Variants in ASB5 observed in about 807,000 individuals in gnomAD.
ASB5 encodes ankyrin repeat and SOCS box containing 5.
In ASB5, 45 loss-of-function variants were observed where a neutral mutation model predicts 42.1. The observed-to-expected ratio is 1.07, with a 90% CI of 0.84 to 1.37. The LOEUF (loss-of-function observed/expected upper bound fraction) is 1.37. Ranked by LOEUF, ASB5 falls within the 40% of genes most tolerant of loss-of-function variation. The pLI is 0.00. For synonymous variants in ASB5, 147 were observed against 150.6 expected, an observed-to-expected ratio of 0.98 and a Z score of 0.18; for missense variants, 402 against 399.8, an observed-to-expected ratio of 1.01 and a Z score of -0.05.
chr4:176,233,567 G>A (rs145591255), intron 1 of ASB5, among the ~76,000 whole-genome samples: 42 of 152,216 alleles, frequency 2.8e-4, no homozygotes, highest in East Asian at 7.7e-4. Context: ...AAATTTAACC[G>A]CAATAATTGT....
At chr4:176,244,113 T>C (rs1265550832) in intron 1 of ASB5, among the ~76,000 whole-genome samples, 1 of 152,184 alleles carries the variant, frequency 6.6e-6, no homozygotes, top group African/African-American at 2.4e-5. Context: ...TTTGCTCACT[T>C]TCTTTTGTTC....
chr4:176,255,486 T>C (rs1754137208), intron 1 of ASB5, among the ~76,000 whole-genome samples: 1 of 152,206 alleles, frequency 6.6e-6, no homozygotes, highest in Non-Finnish European at 1.5e-5. Flanking sequence ...GTGGATTGGA[T>C]AAAGAGTATA....
chr4:176,255,190 C>G (rs987700349), intron 1 of ASB5, among the ~76,000 whole-genome samples: 3 of 152,118 alleles, frequency 2.0e-5, no homozygotes, highest in African/African-American at 7.2e-5. Context: ...TTGGTCAGAA[C>G]AGTTGTTATT....
rs369025313 is a variant in ASB5 at position 176,215,698 on chromosome 4, G to A, written c.892C>T (p.Arg298Ter). The A allele has an allele frequency of 2.7e-5, 44 of 1,612,514 alleles. No individual in the cohort carries two copies. The highest frequency in any genetic ancestry group is 3.5e-5 in the Non-Finnish European group (41 of 1,179,094). Residue 298 changes from arginine to a stop codon, truncating the protein, a stop_gained, in exon 7 of 7, where the codon CGA (arginine) becomes TGA (stop). Coordinates refer to ENST00000296525, the MANE Select transcript of ASB5 (RefSeq NM_080874.4). LOFTEE classifies it high-confidence loss of function. ...ATPSSLYQLC[R>*]LCIRSYIGKP... ...CCTATGTAGCTTCGGATACAGAGTC[G>A]GCAAAGTTGGTAAAGAGAGCTTGGG... is the stretch of plus-strand genomic sequence containing the variant.
intron 1 of ASB5, among the ~76,000 whole-genome samples, chr4:176,236,182 T>C (rs1753680802): frequency 6.6e-6 from 1 of 152,194 alleles, no homozygotes; most frequent in Non-Finnish European, 1.5e-5. Flanking sequence ...TTTTTTTTAA[T>C]TTTTGCCATT....
intron 1 of ASB5, among the ~76,000 whole-genome samples, chr4:176,239,934 C>T (rs1034574114): frequency 6.6e-6 from 1 of 152,142 alleles, no homozygotes; most frequent in Non-Finnish European, 1.5e-5. Flanking sequence ...GGTTAATTCA[C>T]TAGAAAATAA....
At chr4:176,266,447 C>A (rs1754357229) in intron 1 of ASB5, among the ~76,000 whole-genome samples, 1 of 151,876 alleles carries the variant, frequency 6.6e-6, no homozygotes, top group Non-Finnish European at 1.5e-5. Flanking sequence ...TAATTAGTGA[C>A]TTATAAAGAC....
Position 176,235,851 on chromosome 4 carries a change from C to A in ASB5, c.197-10510G>T, listed in dbSNP as rs75020669. Among the ~76,000 whole-genome samples, 12 of 138,158 alleles carry A rather than the reference C, an allele frequency of 8.7e-5. No homozygotes were observed. In the East Asian group the frequency reaches 2.6e-3, roughly 30 times the overall value. The allele number at this position is 138,158 out of a possible 152,430, so 90.6% of individuals were successfully genotyped here. A position where few individuals can be genotyped will look rare whatever the true frequency, so the allele number is the denominator to read the frequency against. On this transcript the variant is annotated intron_variant, in intron 1 of 6. Transcript: ENST00000296525. The stretch of plus-strand genomic sequence containing the variant: ...GCATTTTTTTTATTATATATTTTTT[C>A]TTCTCCTTTTTTTCAGAGACAGAAT...
upstream of ASB5, among the ~76,000 whole-genome samples, chr4:176,270,612 A>T (rs2126981481): frequency 6.6e-6 from 1 of 152,352 alleles, no homozygotes; most frequent in East Asian, 1.9e-4. Flanking sequence ...TCATTTTCAG[A>T]GGCAGAATAC....
upstream of ASB5, chr4:176,269,301 T>C (rs1754426454): frequency 4.9e-6 from 2 of 405,284 alleles, no homozygotes; most frequent in South Asian, 1.6e-4. Context: ...AAATATTCCA[T>C]GGAAGCAATT....
chr4:176,253,972 G>C (rs1754097368), intron 1 of ASB5, among the ~76,000 whole-genome samples: 1 of 152,158 alleles, frequency 6.6e-6, no homozygotes, highest in African/African-American at 2.4e-5. Flanking sequence ...CGTTAAAATG[G>C]CCATACTGCC....
intron 1 of ASB5, among the ~76,000 whole-genome samples, chr4:176,255,688 G>A (rs1754141221): frequency 6.6e-6 from 1 of 152,176 alleles, no homozygotes; most frequent in Non-Finnish European, 1.5e-5. Context: ...GATGGCAGCA[G>A]TAGACACAGG....
chr4:176,269,346 C>A, upstream of ASB5: 1 of 346,474 alleles, frequency 2.9e-6, no homozygotes, highest in Non-Finnish European at 5.2e-6. Context: ...ACTTTCCATT[C>A]TCAATATAAA....
chr4:176,249,106 A>T (rs567994070), intron 1 of ASB5, among the ~76,000 whole-genome samples: 1 of 152,344 alleles, frequency 6.6e-6, no homozygotes, highest in East Asian at 1.9e-4. Context: ...AGCTGGGATG[A>T]CAGGCGTGGG....
At chr4:176,245,427 G>T (rs1753891308) in intron 1 of ASB5, among the ~76,000 whole-genome samples, 1 of 152,186 alleles carries the variant, frequency 6.6e-6, no homozygotes, top group African/African-American at 2.4e-5. Context: ...GGAGAAATAG[G>T]AATGCTTTTA....
intron 1 of ASB5, among the ~76,000 whole-genome samples, chr4:176,225,639 G>A (rs1026447722): frequency 2.0e-5 from 3 of 152,108 alleles, no homozygotes; most frequent in African/African-American, 4.8e-5. Flanking sequence ...TGCCCAGGCT[G>A]GAGTGCAGTG....
intron 5 of ASB5, among the ~76,000 whole-genome samples, chr4:176,220,384 CG>C (rs1331784373): frequency 6.6e-6 from 1 of 152,024 alleles, no homozygotes; most frequent in Non-Finnish European, 1.5e-5. Flanking sequence ...TATCAGGGAT[CG>C]AATGATTCTC....
chr4:176,225,460 G>A (rs941611279), intron 1 of ASB5, 119 bp from the exon 2 acceptor site: 2 of 847,824 alleles, frequency 2.4e-6, no homozygotes, highest in Admixed American at 2.3e-5. Flanking sequence ...GTTCAACAGG[G>A]TGAGCCAGAT....
intron 1 of ASB5, among the ~76,000 whole-genome samples, chr4:176,252,250 C>A (rs1055850504): frequency 6.6e-6 from 1 of 151,968 alleles, no homozygotes; most frequent in Non-Finnish European, 1.5e-5. Context: ...GATTCAACTT[C>A]GGACAGTATT....
Sources: allele counts gnomAD v4.1 joint callset (sites outside exome capture counted in the v4.1 genomes callset), GRCh38; gene constraint gnomAD v4.1.1; transcripts MANE v1.5; gene names NCBI Gene and HGNC (gene_info 2026-07-23, HGNC 2026-07-21).